The following GLIS3 variants were observed in gnomAD, a reference collection of about 807,000 sequenced individuals.
GLIS3 encodes the protein GLIS family zinc finger 3.
GLIS3 carries 53 observed loss-of-function variants against 78.6 expected under a neutral mutation model. The observed-to-expected ratio is 0.67, with a 90% CI of 0.54 to 0.85. The LOEUF (loss-of-function observed/expected upper bound fraction) is 0.85, where lower values mean the gene tolerates loss of function less well. GLIS3 is among the 40% of genes least tolerant of loss of function. The pLI is 0.00. For missense variants in GLIS3, 1,703 were observed against 1,231.1 expected, an observed-to-expected ratio of 1.38 and a Z score of -5.74; for synonymous variants, 684 against 509.9, an observed-to-expected ratio of 1.34 and a Z score of -4.60.
At chr9:4,148,440 T>C (rs1001869047) in intron 2 of GLIS3, among the ~76,000 whole-genome samples, 1 of 152,128 alleles carries the variant, frequency 6.6e-6, no homozygotes, top group Non-Finnish European at 1.5e-5. Context: ...AAACCTTCCA[T>C]ATTCCTTCCT....
intron 2 of GLIS3, among the ~76,000 whole-genome samples, chr9:4,145,975 T>A (rs541491290): frequency 6.6e-6 from 1 of 152,194 alleles, no homozygotes; most frequent in Non-Finnish European, 1.5e-5. Context: ...TGAAAAGGCA[T>A]GGACAATTGA....
intron 2 of GLIS3, among the ~76,000 whole-genome samples, chr9:4,279,534 G>A (rs1827364410): frequency 6.6e-6 from 1 of 151,610 alleles, no homozygotes; most frequent in Non-Finnish European, 1.5e-5. Context: ...TGTCTCTTGT[G>A]AAGACCTGGT....
At chr9:4,309,717 T>G (rs1817313118) in intron 3 of GLIS3, among the ~76,000 whole-genome samples, 1 of 152,218 alleles carries the variant, frequency 6.6e-6, no homozygotes, top group African/African-American at 2.4e-5. Context: ...TTTTATTTAC[T>G]CTCATTTATT....
At chr9:4,328,720 G>A (rs1263441739) in intron 2 of GLIS3, among the ~76,000 whole-genome samples, 6 of 152,166 alleles carry the variant, frequency 3.9e-5, no homozygotes, top group Admixed American at 2.6e-4. Context: ...TAGGCTTTCT[G>A]TGCCTCAGTT....
chr9:4,187,848 T>C (rs560913355), intron 2 of GLIS3, among the ~76,000 whole-genome samples: 19 of 152,302 alleles, frequency 1.2e-4, no homozygotes, highest in African/African-American at 4.6e-4. Flanking sequence ...ATTGATTTTG[T>C]ATCCTGAGAC....
At position 3,828,386 on chromosome 9, in the gene GLIS3, G is replaced by T; in HGVS notation, c.2679C>A (p.Ser893=). Residue 893 remains serine (S), a synonymous_variant, in exon 11 of 11, where the codon TCC becomes TCA. Transcript: ENST00000381971. ...GITVYDLPSS[S]SSLFGESLRS... The stretch of plus-strand genomic sequence containing the variant: ...GGAGAGACTCCCCAAAGAGGCTCGA[G>T]GAACTTGAAGGTAAATCATACACTG... 2 of 1,613,448 alleles carry T rather than the reference G, an allele frequency of 1.2e-6. No individual in the cohort carries two copies. The highest frequency in any genetic ancestry group is 1.7e-6 in the Non-Finnish European group (2 of 1,180,016).
At chr9:4,229,001 G>A (rs1047140212) in intron 2 of GLIS3, among the ~76,000 whole-genome samples, 1 of 130,330 alleles carries the variant, frequency 7.7e-6, no homozygotes, top group South Asian at 2.3e-4. Context: ...ATAGTTAACT[G>A]TTTTAATGTA....
At chr9:3,995,334 C>A (rs1286828760) in intron 4 of GLIS3, among the ~76,000 whole-genome samples, 2 of 152,014 alleles carry the variant, frequency 1.3e-5, no homozygotes, top group African/African-American at 2.4e-5. Context: ...CTTCAGGTAG[C>A]AACAATGACA....
At chr9:4,363,800 G>T in the GLIS3 span, among the ~76,000 whole-genome samples, 2 of 152,160 alleles carry the variant, frequency 1.3e-5, no homozygotes, top group South Asian at 4.1e-4. Context: ...AACGATCATT[G>T]ATCAACCCTT....
At chr9:4,397,626 G>A in the GLIS3 span, among the ~76,000 whole-genome samples, 1 of 135,176 alleles carries the variant, frequency 7.4e-6, no homozygotes, top group Non-Finnish European at 1.5e-5. Flanking sequence ...AATAAAAGAA[G>A]AAAGGAAGGA....
chr9:4,470,523 A>G, the GLIS3 span, among the ~76,000 whole-genome samples: 2 of 152,238 alleles, frequency 1.3e-5, no homozygotes, highest in Non-Finnish European at 2.9e-5. Flanking sequence ...ATCTCAATAG[A>G]TGCAGAAAAG....
intron 4 of GLIS3, among the ~76,000 whole-genome samples, chr9:4,009,180 T>C (rs1311755446): frequency 1.3e-5 from 2 of 152,186 alleles, no homozygotes; most frequent in Non-Finnish European, 1.5e-5. Flanking sequence ...CTGAACGCCA[T>C]GTGCAAGAGA....
chr9:4,453,737 G>C, the GLIS3 span, among the ~76,000 whole-genome samples: 1 of 152,040 alleles, frequency 6.6e-6, no homozygotes. Context: ...TCTGAGCAAA[G>C]TATCACAAGG....
At chr9:4,030,949 A>T (rs1341146627) in intron 4 of GLIS3, among the ~76,000 whole-genome samples, 1 of 152,258 alleles carries the variant, frequency 6.6e-6, no homozygotes, top group Non-Finnish European at 1.5e-5. Flanking sequence ...TCAAAGCCAC[A>T]ATAAATAACA....
intron 4 of GLIS3, among the ~76,000 whole-genome samples, chr9:4,046,179 T>A (rs1448777460): frequency 6.6e-6 from 1 of 152,208 alleles, no homozygotes; most frequent in Non-Finnish European, 1.5e-5. Context: ...AAACTTGTTA[T>A]AAACTGTTTT....
At chr9:4,484,819 G>A in the GLIS3 span, among the ~76,000 whole-genome samples, 5 of 152,062 alleles carry the variant, frequency 3.3e-5, no homozygotes, top group South Asian at 2.1e-4. Context: ...GTCAGGAATC[G>A]TCTTTGTAGA....
chr9:4,269,146 G>C (rs959654755), intron 2 of GLIS3, among the ~76,000 whole-genome samples: 5 of 152,130 alleles, frequency 3.3e-5, no homozygotes, highest in Non-Finnish European at 5.9e-5. Flanking sequence ...AATCCTTCAT[G>C]TGAAACATGT....
intron 4 of GLIS3, among the ~76,000 whole-genome samples, chr9:4,016,562 G>A (rs1822456552): frequency 6.6e-6 from 1 of 152,152 alleles, no homozygotes; most frequent in Admixed American, 6.5e-5. Context: ...GTTCCCCAAT[G>A]CTGAAAAACA....
At chr9:4,385,582 T>G in the GLIS3 span, among the ~76,000 whole-genome samples, 1 of 150,394 alleles carries the variant, frequency 6.6e-6, no homozygotes, top group African/African-American at 2.4e-5. Flanking sequence ...GGAGAAATGC[T>G]TGAACCTAGG....
Sources: gnomAD v4.1 joint callset for allele counts (sites outside exome capture counted in the v4.1 genomes callset) on GRCh38, gnomAD v4.1.1 for gene constraint, MANE v1.5 for transcripts, NCBI Gene and HGNC (gene_info 2026-07-23, HGNC 2026-07-21) for gene names.